DMD: variants seen among roughly 807,000 people sequenced by gnomAD.
The protein encoded by DMD is mutant dystrophin.
A neutral mutation model predicts 330.1 loss-of-function variants in DMD; 63 were observed. The ratio of observed to expected loss-of-function variants is 0.19; its 90% CI spans 0.16 to 0.24. The LOEUF (loss-of-function observed/expected upper bound fraction) is 0.24, where lower values mean the gene tolerates loss of function less well. Ranked by LOEUF, DMD falls within the 10% of genes least tolerant of loss-of-function variation. The pLI is 1.00. For missense variants in DMD, 3,344 were observed against 2,684.1 expected (o/e 1.25, Z -5.43); for synonymous variants, 1,223 against 959.8 (o/e 1.27, Z -5.07).
intron 29 of DMD, among the ~76,000 whole-genome samples, chrX:32,433,155 G>T (rs1248724458): frequency 8.9e-6 from 1 of 112,020 alleles, no homozygotes. Context: ...TACTTTTAAG[G>T]CCATGTTTTA....
Position 31,808,604 on chromosome X carries a change from A to G in DMD, c.7309+11371T>C, listed in dbSNP as rs186937691. On this transcript the variant is annotated intron_variant, in intron 50 of 78. Transcript: ENST00000357033. ...AAATTGAATCTGAAAGCTTTATTAG[A>G]CAAGTTTTTCTTGTCTTTCAGCTGG... Among the ~76,000 whole-genome samples, 27 of 111,668 alleles carry G rather than the reference A, an allele frequency of 2.4e-4. No homozygotes were observed. In the East Asian group the frequency reaches 6.8e-3, roughly 28 times the overall value.
chrX:32,800,724 C>T (rs1022696074), intron 7 of DMD, among the ~76,000 whole-genome samples: 1 of 110,297 alleles, frequency 9.1e-6, no homozygotes, highest in African/African-American at 3.3e-5. Context: ...CCCCAAAAGG[C>T]CCCAGTGTGT....
chrX:33,335,372 G>C (rs528051410), intron 1 of DMD, among the ~76,000 whole-genome samples: 5 of 107,257 alleles, frequency 4.7e-5, no homozygotes, highest in African/African-American at 1.7e-4. Context: ...ATATTACTTT[G>C]TTTCATTGTA....
At chrX:32,803,380 A>G (rs1212834729) in intron 7 of DMD, among the ~76,000 whole-genome samples, 1 of 108,435 alleles carries the variant, frequency 9.2e-6, no homozygotes, top group Non-Finnish European at 1.9e-5. Flanking sequence ...TAGTCTGGCT[A>G]GCCATCTATT....
At chrX:33,089,553 G>A (rs1307964107) in intron 1 of DMD, among the ~76,000 whole-genome samples, 1 of 110,477 alleles carries the variant, frequency 9.1e-6, no homozygotes, top group Admixed American at 9.7e-5. Context: ...GATAATAAAC[G>A]TCAGTATAAA....
At chrX:32,040,253 C>CGT (rs776377936) in intron 44 of DMD, among the ~76,000 whole-genome samples, 4 of 110,771 alleles carry the variant, frequency 3.6e-5, no homozygotes, top group African/African-American at 1.3e-4. Context: ...TGTGTGTAAG[C>CGT]GTGTGTGTGT....
intron 63 of DMD, among the ~76,000 whole-genome samples, chrX:31,236,429 C>T (rs776021475): frequency 1.8e-5 from 2 of 112,510 alleles, no homozygotes; most frequent in Non-Finnish European, 3.7e-5. Context: ...ATCCTCCTTG[C>T]GGTGGAGAAA....
chrX:32,978,659 G>A (rs138539773), intron 2 of DMD, among the ~76,000 whole-genome samples: 3,275 of 111,393 alleles, frequency 0.029, 121 homozygotes, highest in African/African-American at 0.1. Flanking sequence ...TAGTAGAGAC[G>A]GGTTTCACCA....
At chrX:32,009,436 A>C (rs963590186) in intron 44 of DMD, among the ~76,000 whole-genome samples, 1 of 112,342 alleles carries the variant, frequency 8.9e-6, no homozygotes, top group Non-Finnish European at 1.9e-5. Context: ...GCATGTCTTT[A>C]AGTTAGTAGA....
chrX:32,455,219 T>C (rs1259624593), intron 25 of DMD, among the ~76,000 whole-genome samples: 1 of 111,509 alleles, frequency 9.0e-6, no homozygotes, highest in Non-Finnish European at 1.9e-5. Context: ...TGTTTTACTA[T>C]TTTAAATATT....
intron 18 of DMD, among the ~76,000 whole-genome samples, chrX:32,502,229 C>T (rs953288567): frequency 1.6e-4 from 18 of 110,350 alleles, no homozygotes; most frequent in Admixed American, 1.9e-4. Context: ...AGTATATAGG[C>T]GGTATTAAAA....
Position 31,929,850 on chromosome X carries a change from C to T in DMD, c.6763-105G>A, listed in dbSNP as rs2094830911. ...GTCTATCAAAATGAAGCGACTTGAC[C>T]GAGGGCCCAGTGGTACCTCAAATAC... On this transcript the variant is annotated intron_variant, in intron 46 of 78. Transcript: ENST00000357033. 2.0e-5 allele frequency: 20 copies of T among 1,003,236 alleles called. No homozygotes were observed. The South Asian group carries it at 3.2e-4, about 16-fold the overall frequency. 82.7% of individuals were successfully genotyped at this position (1,003,236 alleles called of 1,213,427 possible).
At chrX:32,468,218 T>C (rs769747463) in intron 23 of DMD, among the ~76,000 whole-genome samples, 1 of 111,172 alleles carries the variant, frequency 9.0e-6, no homozygotes, top group East Asian at 2.8e-4. Flanking sequence ...AAATGGATGA[T>C]TGGTTTTGAA....
chrX:33,118,405 C>T (rs925074268), intron 1 of DMD, among the ~76,000 whole-genome samples: 8 of 111,532 alleles, frequency 7.2e-5, no homozygotes, highest in Non-Finnish European at 1.5e-4. Context: ...CCACCGCGCC[C>T]GGCCAAGACT....
In DMD at chrX:33,327,226, T is replaced by C. The variant is rs188042414; in HGVS notation, c.7+12033A>G. Among the ~76,000 whole-genome samples the C allele has an allele frequency of 7.4e-3, 825 of 111,654 alleles. 10 individuals carry two copies. The highest frequency in any genetic ancestry group is 0.025 in the African/African-American group (755 of 30,739). On this transcript the variant is annotated intron_variant, in intron 1 of 17. Coordinates refer to the DMD transcript ENST00000288447. The stretch of plus-strand genomic sequence containing the variant: ...AGTACTATTGAGTATCTACTCTGCA[T>C]GAAGCTAGGGAAGTGTGGCAAGGGG...
intron 44 of DMD, among the ~76,000 whole-genome samples, chrX:32,137,088 T>A (rs981630889): frequency 8.0e-5 from 9 of 112,526 alleles, no homozygotes; most frequent in Non-Finnish European, 1.5e-4. Context: ...AAACTTTTTT[T>A]AAAAATGTGG....
At chrX:32,857,271 C>T (rs934749507) in intron 2 of DMD, among the ~76,000 whole-genome samples, 3 of 111,978 alleles carry the variant, frequency 2.7e-5, no homozygotes, top group African/African-American at 6.5e-5. Flanking sequence ...ATAATATACA[C>T]ATAAATCTTA....
chrX:31,529,768 T>A (rs903217820), intron 55 of DMD, among the ~76,000 whole-genome samples: 3 of 110,319 alleles, frequency 2.7e-5, no homozygotes, highest in African/African-American at 9.9e-5. Context: ...AAAAGAAAAA[T>A]GAAAAGAGGG....
intron 2 of DMD, among the ~76,000 whole-genome samples, chrX:32,992,973 G>C (rs1436551659): frequency 9.1e-6 from 1 of 109,368 alleles, no homozygotes; most frequent in African/African-American, 3.3e-5. Flanking sequence ...AATATGCAGT[G>C]AATTTTACTA....
Sources: gnomAD v4.1 joint callset for allele counts (sites outside exome capture counted in the v4.1 genomes callset) on GRCh38, gnomAD v4.1.1 for gene constraint, MANE v1.5 for transcripts, NCBI Gene and HGNC (gene_info 2026-07-23, HGNC 2026-07-21) for gene names.